Variants in SCHIP1 observed in about 807,000 individuals in gnomAD.
The protein encoded by SCHIP1 is schwannomin interacting protein 1.
A neutral mutation model predicts 29.7 loss-of-function variants in SCHIP1; 8 were observed. That is an observed-to-expected ratio of 0.27 (90% CI 0.16 to 0.49). The LOEUF is 0.49. Among genes scored for constraint, SCHIP1 ranks in the 20% least tolerant of loss-of-function variants. The probability of loss-of-function intolerance (pLI) is 0.99; values close to 1 mark genes in which losing one functional copy is unlikely to be tolerated. For missense variants in SCHIP1, 193 were observed against 294.6 expected, an observed-to-expected ratio of 0.66 and a Z score of 2.52; for synonymous variants, 76 against 94.9, an observed-to-expected ratio of 0.80 and a Z score of 1.16.
the SCHIP1 span, among the ~76,000 whole-genome samples, chr3:159,713,222 G>GAGAGAGAAAGGAAGAA: frequency 1.2e-4 from 12 of 100,960 alleles, no homozygotes; most frequent in African/African-American, 4.1e-4. Flanking sequence ...GAGAGAGAGA[G>GAGAGAGAAAGGAAGAA]AGAAAGAAAG....
the SCHIP1 span, among the ~76,000 whole-genome samples, chr3:159,441,171 G>A: frequency 5.3e-5 from 8 of 152,094 alleles, no homozygotes; most frequent in Non-Finnish European, 7.4e-5. Context: ...ACACACACTC[G>A]CACATACACA....
the SCHIP1 span, among the ~76,000 whole-genome samples, chr3:159,807,288 T>C: frequency 6.6e-6 from 1 of 152,124 alleles, no homozygotes; most frequent in Non-Finnish European, 1.5e-5. Context: ...GGGGAGAAAG[T>C]GGATGGAAGA....
chr3:159,395,209 T>C, the SCHIP1 span, among the ~76,000 whole-genome samples: 1 of 152,236 alleles, frequency 6.6e-6, no homozygotes, highest in Non-Finnish European at 1.5e-5. Context: ...TTCTTCTCTC[T>C]TTTTTTCTTT....
the SCHIP1 span, among the ~76,000 whole-genome samples, chr3:159,787,209 A>G: frequency 6.6e-6 from 1 of 152,206 alleles, no homozygotes; most frequent in Non-Finnish European, 1.5e-5. Flanking sequence ...TTAATTTAAA[A>G]TTGACTTCAA....
chr3:159,753,372 T>A, the SCHIP1 span, among the ~76,000 whole-genome samples: 1 of 152,158 alleles, frequency 6.6e-6, no homozygotes, highest in African/African-American at 2.4e-5. Context: ...CCTGTTTTTT[T>A]CTCCCCTACC....
chr3:159,550,782 C>T, the SCHIP1 span, among the ~76,000 whole-genome samples: 12,755 of 152,066 alleles, frequency 0.084, 651 homozygotes, highest in South Asian at 0.13. Context: ...TAGAGGCAGA[C>T]TTAACTATTG....
At chr3:159,795,682 G>A in the SCHIP1 span, among the ~76,000 whole-genome samples, 1 of 152,222 alleles carries the variant, frequency 6.6e-6, no homozygotes, top group Non-Finnish European at 1.5e-5. Flanking sequence ...GTAGGTTAGA[G>A]GAGGAGAATC....
the SCHIP1 span, among the ~76,000 whole-genome samples, chr3:159,412,836 G>A: frequency 1.3e-5 from 2 of 152,214 alleles, no homozygotes; most frequent in Non-Finnish European, 2.9e-5. Flanking sequence ...CCTGGGTCCA[G>A]GCTGAACTAG....
the SCHIP1 span, among the ~76,000 whole-genome samples, chr3:159,552,032 C>CTTTTTT: frequency 1.8e-4 from 19 of 103,558 alleles, no homozygotes; most frequent in Non-Finnish European, 2.9e-4. Flanking sequence ...TGCCACATTG[C>CTTTTTT]TTTTTTTTTT....
the SCHIP1 span, among the ~76,000 whole-genome samples, chr3:159,581,921 T>C: frequency 2.0e-5 from 3 of 152,206 alleles, no homozygotes; most frequent in African/African-American, 4.8e-5. Flanking sequence ...TGTGTCTATA[T>C]AGAAAATATT....
chr3:159,730,886 G>A, the SCHIP1 span, among the ~76,000 whole-genome samples: 1 of 152,034 alleles, frequency 6.6e-6, no homozygotes, highest in Non-Finnish European at 1.5e-5. Context: ...AAAAACCCAG[G>A]GTTCCATTCA....
chr3:159,443,398 T>G, the SCHIP1 span, among the ~76,000 whole-genome samples: 5 of 152,132 alleles, frequency 3.3e-5, no homozygotes, highest in African/African-American at 1.2e-4. Context: ...TTCAAGTTAT[T>G]CAGTGGAGCC....
the SCHIP1 span, among the ~76,000 whole-genome samples, chr3:159,527,134 A>T: frequency 6.6e-6 from 1 of 152,180 alleles, no homozygotes. Flanking sequence ...CCCTTTCACA[A>T]CTTTCTGAGA....
the SCHIP1 span, among the ~76,000 whole-genome samples, chr3:159,630,579 G>A: frequency 6.6e-6 from 1 of 151,208 alleles, no homozygotes. Flanking sequence ...AAGTAACTCA[G>A]GAATGGAAAA....
the SCHIP1 span, among the ~76,000 whole-genome samples, chr3:159,550,818 G>C: frequency 1.3e-5 from 2 of 152,026 alleles, no homozygotes; most frequent in Non-Finnish European, 2.9e-5. Flanking sequence ...CAACAAAATG[G>C]CACCCTAGAC....
the SCHIP1 span, among the ~76,000 whole-genome samples, chr3:159,599,011 G>A: frequency 6.6e-6 from 1 of 151,998 alleles, no homozygotes; most frequent in Admixed American, 6.6e-5. Context: ...TCTATTTTAT[G>A]TAATGTAAGT....
the SCHIP1 span, among the ~76,000 whole-genome samples, chr3:159,612,387 T>G: frequency 6.6e-6 from 1 of 152,200 alleles, no homozygotes; most frequent in South Asian, 2.1e-4. Context: ...AGGTTTTCAC[T>G]CCAGAAAATA....
chr3:159,377,827 T>A, the SCHIP1 span, among the ~76,000 whole-genome samples: 1 of 152,092 alleles, frequency 6.6e-6, no homozygotes, highest in Non-Finnish European at 1.5e-5. Context: ...AAAGAAGGGG[T>A]GCACAACCAC....
At chr3:159,514,495 C>T in the SCHIP1 span, among the ~76,000 whole-genome samples, 6 of 152,148 alleles carry the variant, frequency 3.9e-5, no homozygotes, top group South Asian at 4.1e-4. Context: ...TGGCTATACC[C>T]GACTGTCCTA....
Sources: gnomAD v4.1 joint callset for allele counts (sites outside exome capture counted in the v4.1 genomes callset) on GRCh38, gnomAD v4.1.1 for gene constraint, MANE v1.5 for transcripts, NCBI Gene and HGNC (gene_info 2026-07-23, HGNC 2026-07-21) for gene names.